KCNMA1: variants seen among roughly 807,000 people sequenced by gnomAD.
KCNMA1 encodes the protein Calcium-activated potassium channel subunit alpha-1.
Under a neutral mutation model 140.0 loss-of-function variants are expected in KCNMA1, and 29 were observed. That is an observed-to-expected ratio of 0.21 (90% CI 0.15 to 0.28). The LOEUF (loss-of-function observed/expected upper bound fraction) is 0.28. Ranked by LOEUF, KCNMA1 falls within the 10% of genes least tolerant of loss-of-function variation. The pLI is 1.00. For synonymous variants in KCNMA1, 612 were observed against 611.9 expected (o/e 1.00, Z 0.00); for missense variants, 880 against 1,602.2 (o/e 0.55, Z 7.70).
chr10:77,454,848 T>C (rs1459779525), intron 1 of KCNMA1, among the ~76,000 whole-genome samples: 1 of 152,134 alleles, frequency 6.6e-6, no homozygotes, highest in Non-Finnish European at 1.5e-5. Context: ...AATCCAAAAA[T>C]GGGCCCAAGT....
At chr10:77,254,548 T>C (rs1343780874) in intron 2 of KCNMA1, among the ~76,000 whole-genome samples, 2 of 152,152 alleles carry the variant, frequency 1.3e-5, no homozygotes. Flanking sequence ...TATAGAGTCA[T>C]TCTTCTGTAG....
chr10:77,451,810 G>T (rs181446083), intron 1 of KCNMA1, among the ~76,000 whole-genome samples: 2 of 151,976 alleles, frequency 1.3e-5, no homozygotes, highest in African/African-American at 4.8e-5. Context: ...TTCTCCCCAG[G>T]GCATATATCT....
At chr10:77,560,803 A>G (rs1220820562) in intron 1 of KCNMA1, among the ~76,000 whole-genome samples, 1 of 152,194 alleles carries the variant, frequency 6.6e-6, no homozygotes, top group Non-Finnish European at 1.5e-5. Context: ...CCCAGCCTCT[A>G]CATCTCATTC....
intron 1 of KCNMA1, among the ~76,000 whole-genome samples, chr10:77,471,352 C>T (rs2098145561): frequency 6.6e-6 from 1 of 150,852 alleles, no homozygotes; most frequent in South Asian, 2.1e-4. Flanking sequence ...CAACACAACA[C>T]ATGTAACACA....
intron 1 of KCNMA1, among the ~76,000 whole-genome samples, chr10:77,632,824 A>T (rs1441999019): frequency 6.6e-6 from 1 of 152,232 alleles, no homozygotes; most frequent in Non-Finnish European, 1.5e-5. Flanking sequence ...TGGCATTTGC[A>T]GGGTGCTATG....
At chr10:77,516,939 G>C (rs1426860869) in intron 1 of KCNMA1, among the ~76,000 whole-genome samples, 2 of 151,766 alleles carry the variant, frequency 1.3e-5, no homozygotes, top group Non-Finnish European at 2.9e-5. Context: ...GGTGTCTGTG[G>C]ATGAGGGAGG....
At chr10:77,123,282 T>C (rs909607305) in intron 5 of KCNMA1, among the ~76,000 whole-genome samples, 1 of 150,192 alleles carries the variant, frequency 6.7e-6, no homozygotes. Flanking sequence ...AAGATTTTTA[T>C]ACCCAGTCAA....
At position 77,412,940 on chromosome 10, in the gene KCNMA1, T is replaced by A. The variant is rs2154478017; in HGVS notation, c.379-8917A>T. On this transcript the variant is annotated intron_variant, in intron 1 of 27. Transcript: ENST00000286628. ...TGGCGTGATCTCAGCTCACTGCAAT[T>A]TCTGCCTCCCAGGTTCAAGTGATTC... 1.3e-5 allele frequency among the ~76,000 whole-genome samples: 2 copies of A among 152,164 alleles called. 1 individual carries two copies. Among genetic ancestry groups the A allele is most frequent in the Middle Eastern group, 6.8e-3 (2 of 294 alleles).
At chr10:77,393,115 A>T (rs182721776) in intron 2 of KCNMA1, among the ~76,000 whole-genome samples, 12 of 152,334 alleles carry the variant, frequency 7.9e-5, no homozygotes, top group African/African-American at 2.6e-4. Context: ...AAGAGGACGC[A>T]GCCTGGACAA....
intron 1 of KCNMA1, among the ~76,000 whole-genome samples, chr10:77,567,100 G>A (rs1567591200): frequency 6.6e-6 from 1 of 152,282 alleles, no homozygotes; most frequent in Middle Eastern, 3.4e-3. Context: ...CTCTAGAAGA[G>A]CTGACCAAGG....
At chr10:77,390,742 C>T (rs548405588) in intron 2 of KCNMA1, among the ~76,000 whole-genome samples, 10 of 152,348 alleles carry the variant, frequency 6.6e-5, no homozygotes, top group Middle Eastern at 3.4e-3. Flanking sequence ...CCAAACCCCA[C>T]GCCTTCCTGG....
At chr10:76,945,519 T>G (rs1471034443) in intron 22 of KCNMA1, among the ~76,000 whole-genome samples, 2 of 152,124 alleles carry the variant, frequency 1.3e-5, no homozygotes, top group African/African-American at 2.4e-5. Context: ...GGAGTGGAAT[T>G]AATGTGTGCA....
intron 2 of KCNMA1, among the ~76,000 whole-genome samples, chr10:77,323,543 T>A (rs1191713109): frequency 1.3e-5 from 2 of 152,226 alleles, no homozygotes; most frequent in Non-Finnish European, 2.9e-5. Flanking sequence ...CCATCCCAAC[T>A]GTGCTCAGGC....
chr10:77,095,637 T>C (rs1490456290), intron 9 of KCNMA1, among the ~76,000 whole-genome samples: 1 of 152,196 alleles, frequency 6.6e-6, no homozygotes, highest in East Asian at 1.9e-4. Context: ...AGTTGCTTAT[T>C]TCATGTGCAT....
chr10:76,949,924 C>A (rs900424867), intron 21 of KCNMA1, among the ~76,000 whole-genome samples: 4 of 152,082 alleles, frequency 2.6e-5, no homozygotes, highest in African/African-American at 4.8e-5. Flanking sequence ...AAAACTACGA[C>A]CCACAGGCCA....
Position 76,970,394 on chromosome 10 carries a change from C to T in KCNMA1, c.2267-327G>A, listed in dbSNP as rs143174074. On this transcript the variant is annotated intron_variant, in intron 19 of 27. Transcript: ENST00000286628. Reference sequence around the variant, plus strand: ...ACCAAAAAAAATACTTATCATTATTCTTAGAGTTAATTTTGGTTACTTTGC... The same window carrying T: ...ACCAAAAAAAATACTTATCATTATTTTTAGAGTTAATTTTGGTTACTTTGC... 472 of 293,370 alleles carry T rather than the reference C, an allele frequency of 1.6e-3. 1 individual carries two copies. Among genetic ancestry groups the T allele is most frequent in the African/African-American group, 9.4e-3 (434 of 46,000 alleles). 18.2% of individuals were successfully genotyped at this position (293,370 alleles called of 1,614,324 possible). A position where few individuals can be genotyped will look rare whatever the true frequency, so the allele number is the denominator to read the frequency against.
At chr10:77,309,034 C>A (rs1394437070) in intron 2 of KCNMA1, among the ~76,000 whole-genome samples, 1 of 152,186 alleles carries the variant, frequency 6.6e-6, no homozygotes, top group East Asian at 1.9e-4. Flanking sequence ...TTTCCCTTAC[C>A]CAAAGGAGCC....
In KCNMA1 at chr10:77,061,722, T is replaced by C. The variant is rs191248335; in HGVS notation, c.1749+11375A>G. Among the ~76,000 whole-genome samples the C allele has an allele frequency of 7.2e-3, 1,094 of 152,372 alleles. 12 individuals carry two copies. Among genetic ancestry groups the C allele is most frequent in the African/African-American group, 0.024 (983 of 41,592 alleles). On this transcript the variant is annotated intron_variant, in intron 14 of 27. Coordinates refer to ENST00000286628, the MANE Select transcript of KCNMA1 (RefSeq NM_001161352.2). ...TCCATGTAAATGTTTATATCGACTG[T>C]ATTCATGATCGCCCCAACTGGAGGA...
At chr10:77,286,440 A>G (rs2070861425) in intron 2 of KCNMA1, among the ~76,000 whole-genome samples, 1 of 152,266 alleles carries the variant, frequency 6.6e-6, no homozygotes, top group East Asian at 1.9e-4. Context: ...GTGTCATCCT[A>G]TGCTGGGTCA....
Sources: allele counts gnomAD v4.1 joint callset (sites outside exome capture counted in the v4.1 genomes callset), GRCh38; gene constraint gnomAD v4.1.1; transcripts MANE v1.5; gene names NCBI Gene and HGNC (gene_info 2026-07-23, HGNC 2026-07-21).